The following DNAJC5B variants were observed in gnomAD, a reference collection of about 807,000 sequenced individuals.
DNAJC5B encodes the protein dnaJ homolog subfamily C member 5B.
DNAJC5B carries 23 observed loss-of-function variants against 24.7 expected under a neutral mutation model. The ratio of observed to expected loss-of-function variants is 0.93; its 90% CI spans 0.67 to 1.32. DNAJC5B has a LOEUF of 1.32. DNAJC5B is among the 40% of genes most tolerant of loss of function. DNAJC5B has a pLI of 0.00. For missense variants in DNAJC5B, 238 were observed against 240.8 expected (o/e 0.99, Z 0.08); for synonymous variants, 101 against 90.1 (o/e 1.12, Z -0.68).
chr8:66,021,945 A>G (rs752205870), intron 1 of DNAJC5B, among the ~76,000 whole-genome samples: 6 of 152,156 alleles, frequency 3.9e-5, no homozygotes, highest in Admixed American at 2.6e-4. Flanking sequence ...TCCTCCCCGG[A>G]TGACAGGGTA....
At chr8:66,069,572 C>T (rs1289139108) in intron 3 of DNAJC5B, among the ~76,000 whole-genome samples, 36 of 152,106 alleles carry the variant, frequency 2.4e-4, no homozygotes, top group Admixed American at 2.4e-3. Context: ...AATTAATAGC[C>T]TACTAACCAA....
chr8:66,087,384 A>T (rs1040155277), intron 5 of DNAJC5B, among the ~76,000 whole-genome samples: 3 of 152,154 alleles, frequency 2.0e-5, no homozygotes, highest in African/African-American at 7.2e-5. Context: ...AAAATTTGAT[A>T]GGGACGCAGA....
chr8:66,080,603 C>A (rs761724249), intron 5 of DNAJC5B, 55 bp downstream of exon 5: 64 of 1,449,462 alleles, frequency 4.4e-5, no homozygotes, highest in Non-Finnish European at 5.6e-5. Context: ...CCTGAGCAAG[C>A]ACCAGGTCCC....
chr8:66,044,539 T>G (rs1458381784), intron 2 of DNAJC5B, among the ~76,000 whole-genome samples: 1 of 151,850 alleles, frequency 6.6e-6, no homozygotes, highest in Non-Finnish European at 1.5e-5. Flanking sequence ...ACCCCTGGAA[T>G]TAGAATCTTT....
chr8:66,047,691 A>G (rs541122505), intron 2 of DNAJC5B, among the ~76,000 whole-genome samples: 1 of 152,242 alleles, frequency 6.6e-6, no homozygotes, highest in East Asian at 1.9e-4. Flanking sequence ...AGCTCTTAAG[A>G]CTTTTATGGA....
intron 3 of DNAJC5B, among the ~76,000 whole-genome samples, chr8:66,075,386 A>G (rs1483738662): frequency 6.6e-6 from 1 of 152,168 alleles, no homozygotes; most frequent in Non-Finnish European, 1.5e-5. Flanking sequence ...GGGGGGGGAA[A>G]TGCTGCAATT....
chr8:66,033,727 G>A (rs1342635833), intron 1 of DNAJC5B, among the ~76,000 whole-genome samples: 1 of 150,466 alleles, frequency 6.6e-6, no homozygotes, highest in Non-Finnish European at 1.5e-5. Flanking sequence ...AACTCTCAGA[G>A]GAAAGGGAAA....
intron 3 of DNAJC5B, among the ~76,000 whole-genome samples, chr8:66,053,804 T>C (rs1055758364): frequency 6.6e-6 from 1 of 152,158 alleles, no homozygotes; most frequent in Non-Finnish European, 1.5e-5. Flanking sequence ...TAATTTTGTA[T>C]TTTTAGTAGA....
chr8:66,075,837 G>A (rs1412820153), intron 3 of DNAJC5B, among the ~76,000 whole-genome samples: 1 of 152,118 alleles, frequency 6.6e-6, no homozygotes, highest in African/African-American at 2.4e-5. Flanking sequence ...TGATTTATAA[G>A]GTGTACTCTA....
chr8:66,074,443 C>T lies in DNAJC5B; in HGVS notation c.120-2217C>T, dbSNP rs191012599. Among the ~76,000 whole-genome samples the T allele has an allele frequency of 1.9e-3, 287 of 152,328 alleles. 1 individual carries two copies. Among genetic ancestry groups the T allele is most frequent in the African/African-American group, 6.6e-3 (274 of 41,574 alleles). ...TCTTATCTGCCACTAATTAAATTCA[C>T]TATGCATTTTAGTTGAAAGCTGTCA... On this transcript the variant is annotated intron_variant, in intron 3 of 5. Coordinates refer to ENST00000276570, the MANE Select transcript of DNAJC5B (RefSeq NM_033105.6).
At chr8:66,049,627 T>C (rs1806802025) in intron 2 of DNAJC5B, among the ~76,000 whole-genome samples, 1 of 152,218 alleles carries the variant, frequency 6.6e-6, no homozygotes, top group African/African-American at 2.4e-5. Context: ...CCCCTAAAGA[T>C]GCATTTCTCG....
chr8:66,046,989 C>T (rs1308387984), intron 2 of DNAJC5B, among the ~76,000 whole-genome samples: 1 of 152,352 alleles, frequency 6.6e-6, no homozygotes, highest in East Asian at 1.9e-4. Context: ...GGGTGGATCT[C>T]AGGGCAAGAC....
At chr8:66,058,852 G>C (rs1442517795) in intron 3 of DNAJC5B, among the ~76,000 whole-genome samples, 3 of 152,176 alleles carry the variant, frequency 2.0e-5, no homozygotes, top group Admixed American at 6.5e-5. Context: ...AATCCATCAG[G>C]TATTGAAGCT....
chr8:66,062,420 T>TA (rs1314809458), intron 3 of DNAJC5B, among the ~76,000 whole-genome samples: 1 of 152,100 alleles, frequency 6.6e-6, no homozygotes, highest in Admixed American at 6.5e-5. Context: ...AAAGGAAAAC[T>TA]AAAAAAACAG....
chr8:66,035,081 T>C (rs1806452930), intron 1 of DNAJC5B, among the ~76,000 whole-genome samples: 2 of 152,212 alleles, frequency 1.3e-5, no homozygotes. Context: ...AGCCACACAT[T>C]GCTGAATTTT....
intron 3 of DNAJC5B, among the ~76,000 whole-genome samples, chr8:66,059,280 A>T (rs2128961077): frequency 6.6e-6 from 1 of 152,344 alleles, no homozygotes; most frequent in African/African-American, 2.4e-5. Context: ...CCCACTGCCT[A>T]AAATTCTTAA....
At chr8:66,078,530 A>G (rs1807521170) in intron 4 of DNAJC5B, among the ~76,000 whole-genome samples, 1 of 152,160 alleles carries the variant, frequency 6.6e-6, no homozygotes. Context: ...ACAAAACATT[A>G]TATGAATGAA....
intron 2 of DNAJC5B, among the ~76,000 whole-genome samples, chr8:66,048,737 A>G (rs1275621053): frequency 6.6e-6 from 1 of 152,174 alleles, no homozygotes; most frequent in African/African-American, 2.4e-5. Flanking sequence ...ACTTAGATAG[A>G]AGGGCAATAA....
rs748413301 is a variant in DNAJC5B, at chr8:66,076,738, C to T, written c.198C>T (p.Asn66=). Residue 66 remains asparagine, a synonymous_variant, in exon 4 of 6, where the codon AAC becomes AAT. Transcript: ENST00000276570. ...CTGAGAAGTTTAAAGAAATCAACAA[C>T]GCCCACGCAATACTTACCGACATTT... ...AATEKFKEIN[N]AHAILTDISK... is the part of the protein sequence containing the mutation. 10 of 1,614,140 alleles carry T rather than the reference C, an allele frequency of 6.2e-6. No homozygotes were observed. The highest frequency in any genetic ancestry group is 2.2e-5 in the East Asian group (1 of 44,882).
Sources: allele counts gnomAD v4.1 joint callset (sites outside exome capture counted in the v4.1 genomes callset), GRCh38; gene constraint gnomAD v4.1.1; transcripts MANE v1.5; gene names NCBI Gene and HGNC (gene_info 2026-07-23, HGNC 2026-07-21).